Variants in WWOX observed in about 807,000 individuals in gnomAD.
WWOX encodes WW domain containing oxidoreductase.
WWOX carries 69 observed loss-of-function variants against 46.2 expected under a neutral mutation model. The ratio of observed to expected loss-of-function variants is 1.49; its 90% CI spans 1.23 to 1.82. WWOX has a LOEUF of 1.82. Ranked by LOEUF, WWOX falls within the 40% of genes most tolerant of loss-of-function variation. The pLI, the probability that WWOX is intolerant of heterozygous loss-of-function variation, is 0.00. For missense variants in WWOX, 919 were observed against 542.6 expected (o/e 1.69, Z -6.89); for synonymous variants, 359 against 202.6 (o/e 1.77, Z -6.56).
intron 8 of WWOX, among the ~76,000 whole-genome samples, chr16:79,008,065 C>T (rs758745037): frequency 2.0e-5 from 3 of 152,184 alleles, no homozygotes; most frequent in Non-Finnish European, 2.9e-5. Context: ...GAAATCAAAG[C>T]GTCAGCCAGG....
chr16:78,371,933 C>T (rs928488922), intron 5 of WWOX, among the ~76,000 whole-genome samples: 1 of 152,144 alleles, frequency 6.6e-6, no homozygotes, highest in East Asian at 1.9e-4. Context: ...TTATTTCCAG[C>T]TTATGTAACA....
intron 8 of WWOX, among the ~76,000 whole-genome samples, chr16:78,953,517 A>G (rs1468884581): frequency 6.6e-6 from 1 of 151,716 alleles, no homozygotes; most frequent in East Asian, 1.9e-4. Context: ...TGTCTTCCTA[A>G]CCCCCAGTTT....
chr16:79,104,049 G>GGC (rs2049258572), intron 8 of WWOX, among the ~76,000 whole-genome samples: 1 of 102,866 alleles, frequency 9.7e-6, no homozygotes, highest in Admixed American at 1.0e-4. Context: ...GGGGGGGGGG[G>GGC]GCGGGTGGTG....
intron 8 of WWOX, among the ~76,000 whole-genome samples, chr16:78,847,262 G>C (rs56255022): frequency 0.016 from 2,394 of 152,222 alleles, 58 homozygotes; most frequent in African/African-American, 0.055. Flanking sequence ...ACAGAGTTTA[G>C]AAATATGTGT....
intron 8 of WWOX, among the ~76,000 whole-genome samples, chr16:78,620,024 T>A (rs2046138964): frequency 6.6e-6 from 1 of 152,202 alleles, no homozygotes; most frequent in Non-Finnish European, 1.5e-5. Flanking sequence ...ATGAGACTAA[T>A]CTCTAACGTC....
intron 8 of WWOX, among the ~76,000 whole-genome samples, chr16:78,832,363 C>A (rs757813348): frequency 3.3e-5 from 5 of 152,102 alleles, no homozygotes; most frequent in African/African-American, 1.2e-4. Context: ...CCTTTTAAGC[C>A]CCATTCTTAG....
intron 8 of WWOX, among the ~76,000 whole-genome samples, chr16:78,867,484 T>TTGTGTGTGTGTGTGTG (rs4035599): frequency 4.7e-5 from 7 of 148,884 alleles, no homozygotes; most frequent in Admixed American, 2.0e-4. Context: ...TTAAATGATT[T>TTGTGTGTGTGTGTGTG]TGTGTGTGTG....
intron 8 of WWOX, among the ~76,000 whole-genome samples, chr16:79,030,146 G>A (rs2047724452): frequency 6.6e-6 from 1 of 152,154 alleles, no homozygotes; most frequent in South Asian, 2.1e-4. Flanking sequence ...TTATGAATAA[G>A]TAATGAAGTC....
At chr16:78,841,669 A>G (rs577579472) in intron 8 of WWOX, among the ~76,000 whole-genome samples, 20 of 152,200 alleles carry the variant, frequency 1.3e-4, no homozygotes, top group Non-Finnish European at 1.8e-4. Flanking sequence ...ATCCAAACCT[A>G]TAAGTAGGTG....
At chr16:78,305,261 G>T (rs1206766329) in intron 5 of WWOX, among the ~76,000 whole-genome samples, 1 of 151,990 alleles carries the variant, frequency 6.6e-6, no homozygotes, top group Non-Finnish European at 1.5e-5. Context: ...GGAGACCGGG[G>T]CCCTCCAGCT....
chr16:78,450,478 T>C (rs1045622283), intron 8 of WWOX, among the ~76,000 whole-genome samples: 2 of 152,156 alleles, frequency 1.3e-5, no homozygotes, highest in African/African-American at 2.4e-5. Context: ...AAGTTCCTTC[T>C]TTCAGAGAAA....
In WWOX at chr16:78,115,063, A is replaced by G. The variant is rs1207219847; in HGVS notation, c.318A>G (p.Arg106=). The change falls in exon 4 of 9, where the codon AGA becomes AGG. Residue 106 remains arginine, a synonymous_variant. Transcript: ENST00000566780. ...DNPTKPTTRQ[R]YDGSTTAMEI... Reference sequence around the variant, plus strand: ...CGACCAAGCCAACCACCCGGCAAAGATACGACGGCAGCACCACTGCCATGG... The same window carrying G: ...CGACCAAGCCAACCACCCGGCAAAGGTACGACGGCAGCACCACTGCCATGG... 2 of 1,614,204 alleles carry G rather than the reference A, an allele frequency of 1.2e-6. No individual in the cohort carries two copies. The highest frequency in any genetic ancestry group is 8.5e-7 in the Non-Finnish European group (1 of 1,180,036).
chr16:79,151,882 C>A (rs537466958), intron 8 of WWOX, among the ~76,000 whole-genome samples: 2 of 152,108 alleles, frequency 1.3e-5, no homozygotes, highest in Non-Finnish European at 2.9e-5. Flanking sequence ...TGGGGACTTG[C>A]CTTTGTTTAT....
At chr16:78,218,757 G>A (rs993447051) in intron 5 of WWOX, among the ~76,000 whole-genome samples, 3 of 152,224 alleles carry the variant, frequency 2.0e-5, no homozygotes, top group Admixed American at 6.5e-5. Flanking sequence ...GCCAGTGTGC[G>A]CCGTGCAGTG....
intron 8 of WWOX, among the ~76,000 whole-genome samples, chr16:78,485,164 T>A (rs1452747088): frequency 6.6e-6 from 1 of 152,138 alleles, no homozygotes; most frequent in East Asian, 1.9e-4. Context: ...TTAATAAAGT[T>A]TATTTTTACA....
chr16:78,115,043 A>G lies in WWOX; in HGVS notation c.298A>G (p.Lys100Glu). ...LAFTVDDNPT[K>E]PTTRQRYDGS... The stretch of plus-strand genomic sequence containing the variant: ...GTTTACTGTGGATGATAATCCGACC[A>G]AGCCAACCACCCGGCAAAGATACGA... The change falls in exon 4 of 9, where the codon AAG (lysine) becomes GAG (glutamate). Residue 100 changes from lysine to glutamate, a missense_variant. Transcript: ENST00000566780. 2 of 1,614,216 alleles carry G rather than the reference A, an allele frequency of 1.2e-6. No homozygotes were observed. Among genetic ancestry groups the G allele is most frequent in the Non-Finnish European group, 1.7e-6 (2 of 1,180,042 alleles).
At chr16:78,719,379 T>G (rs534084492) in intron 8 of WWOX, among the ~76,000 whole-genome samples, 1 of 152,334 alleles carries the variant, frequency 6.6e-6, no homozygotes, top group African/African-American at 2.4e-5. Context: ...TCAGGTGATG[T>G]GGGATCCAAG....
At chr16:78,437,988 G>C (rs750210279) in intron 8 of WWOX, among the ~76,000 whole-genome samples, 1 of 151,952 alleles carries the variant, frequency 6.6e-6, no homozygotes, top group Non-Finnish European at 1.5e-5. Flanking sequence ...TTAGTCTATG[G>C]GTTTTAATTC....
At chr16:78,409,734 T>A (rs1006105903) in intron 6 of WWOX, among the ~76,000 whole-genome samples, 4 of 152,214 alleles carry the variant, frequency 2.6e-5, no homozygotes, top group African/African-American at 9.7e-5. Context: ...TCTGCTGCTT[T>A]CTAGAGACTC....
Sources: gnomAD v4.1 joint callset for allele counts (sites outside exome capture counted in the v4.1 genomes callset) on GRCh38, gnomAD v4.1.1 for gene constraint, MANE v1.5 for transcripts, NCBI Gene and HGNC (gene_info 2026-07-23, HGNC 2026-07-21) for gene names.